Variants in MALRD1 observed in about 807,000 individuals in gnomAD.
MALRD1 encodes MAM and LDL-receptor class A domain-containing protein 1.
A neutral mutation model predicts 242.1 loss-of-function variants in MALRD1; 247 were observed. The observed-to-expected ratio is 1.02, with a 90% CI of 0.92 to 1.13. MALRD1 has a LOEUF of 1.13. Among genes scored for constraint, MALRD1 ranks in the 50% most tolerant of loss-of-function variants. MALRD1 has a pLI of 0.00. For missense variants in MALRD1, 2,989 were observed against 2,533.1 expected (o/e 1.18, Z -3.86); for synonymous variants, 995 against 866.6 (o/e 1.15, Z -2.60).
At chr10:19,167,195 A>C (rs530144223) in intron 13 of MALRD1, among the ~76,000 whole-genome samples, 2 of 151,994 alleles carry the variant, frequency 1.3e-5, no homozygotes, top group Admixed American at 1.3e-4. Flanking sequence ...CCACCTCTAC[A>C]AAAAATACAA....
intron 33 of MALRD1, among the ~76,000 whole-genome samples, chr10:19,577,033 T>C (rs1314095657): frequency 6.7e-6 from 1 of 149,608 alleles, no homozygotes; most frequent in Non-Finnish European, 1.5e-5. Flanking sequence ...GAGAAAAATG[T>C]AAAATAAATT....
intron 28 of MALRD1, among the ~76,000 whole-genome samples, chr10:19,430,695 CTT>C (rs1554769901): frequency 1.3e-5 from 2 of 152,116 alleles, no homozygotes; most frequent in Non-Finnish European, 2.9e-5. Context: ...ATAAAAGACA[CTT>C]AATATTAATT....
chr10:19,547,097 G>A (rs1305349984), intron 32 of MALRD1, among the ~76,000 whole-genome samples: 1 of 151,972 alleles, frequency 6.6e-6, no homozygotes, highest in East Asian at 1.9e-4. Flanking sequence ...TCTAAGTGTC[G>A]GGCTAACTAA....
chr10:19,147,150 A>G (rs933861369), intron 11 of MALRD1, among the ~76,000 whole-genome samples: 1 of 152,174 alleles, frequency 6.6e-6, no homozygotes, highest in South Asian at 2.1e-4. Flanking sequence ...GAGCCACCAC[A>G]CCTGGCAAAC....
chr10:19,450,380 T>C lies in MALRD1; in HGVS notation c.4919T>C (p.Ile1640Thr). 1 of 1,550,188 alleles carries C rather than the reference T, an allele frequency of 6.5e-7. No individual in the cohort carries two copies. The highest frequency in any genetic ancestry group is 8.7e-7 in the Non-Finnish European group (1 of 1,146,930). The change falls in exon 29 of 40, where the codon ATC becomes ACC. Residue 1640 changes from isoleucine to threonine, a missense_variant. Physicochemically the swap from Ile to Thr is moderately conservative, Grantham distance 89. Transcript: ENST00000454679. ...NPGNHWQKADILLGKLRNFEV... is the reference protein window; with the variant it reads ...NPGNHWQKADTLLGKLRNFEV... ...GGTAATCATTGGCAAAAGGCTGACA[T>C]CCTGCTAGGAAAGTTAAGGAATTTT...
chr10:19,275,530 G>A (rs572933118), intron 19 of MALRD1, among the ~76,000 whole-genome samples: 139 of 152,224 alleles, frequency 9.1e-4, no homozygotes, highest in African/African-American at 3.1e-3. Flanking sequence ...TTAGCCTGGC[G>A]TGGTGGCGGG....
chr10:19,642,169 C>T lies in MALRD1; in HGVS notation c.6137+26246C>T, dbSNP rs376349934. 5.3e-5 allele frequency among the ~76,000 whole-genome samples: 8 copies of T among 152,212 alleles called. No individual in the cohort carries two copies. The East Asian group carries it at 1.4e-3, about 26-fold the overall frequency. ...TTTTGCTTGTTAGTTTATGCATCTTCTCATATTGGCTTGAATTGTAGAAAC... is the reference window on the plus strand; with the variant it reads ...TTTTGCTTGTTAGTTTATGCATCTTTTCATATTGGCTTGAATTGTAGAAAC... On this transcript the variant is annotated intron_variant, in intron 36 of 39. Coordinates refer to ENST00000454679, the MANE Select transcript of MALRD1 (RefSeq NM_001142308.3).
At chr10:19,570,957 A>G (rs935388945) in intron 33 of MALRD1, among the ~76,000 whole-genome samples, 1 of 152,102 alleles carries the variant, frequency 6.6e-6, no homozygotes, top group Non-Finnish European at 1.5e-5. Flanking sequence ...AGAACCACAT[A>G]TTTTGGGTTA....
chr10:19,355,867 A>G (rs1844613838), intron 26 of MALRD1, among the ~76,000 whole-genome samples: 1 of 63,698 alleles, frequency 1.6e-5, no homozygotes, highest in African/African-American at 6.1e-5. Context: ...ATTATATATG[A>G]TATATATTAG....
intron 31 of MALRD1, among the ~76,000 whole-genome samples, chr10:19,518,785 A>T (rs764888380): frequency 2.0e-5 from 3 of 152,178 alleles, no homozygotes; most frequent in Non-Finnish European, 4.4e-5. Flanking sequence ...AATAGAACAA[A>T]CTTTGGCTTA....
chr10:19,599,685 T>G (rs1349598065), intron 34 of MALRD1, among the ~76,000 whole-genome samples: 1 of 152,106 alleles, frequency 6.6e-6, no homozygotes, highest in Non-Finnish European at 1.5e-5. Flanking sequence ...ATAGTATGCA[T>G]AGCAAAGCCA....
chr10:19,489,016 C>T (rs1326546628), intron 29 of MALRD1: 6 of 456,002 alleles, frequency 1.3e-5, no homozygotes, highest in African/African-American at 1.0e-4. Context: ...CTCCCACCAT[C>T]CCCCGCCAGG....
intron 38 of MALRD1, among the ~76,000 whole-genome samples, chr10:19,713,463 GT>G (rs1834238225): frequency 6.6e-6 from 1 of 152,200 alleles, no homozygotes; most frequent in African/African-American, 2.4e-5. Context: ...CCCATGGGAA[GT>G]TAATCTTCAA....
At chr10:19,489,531 G>A in intron 29 of MALRD1, 1 of 575,446 alleles carries the variant, frequency 1.7e-6, no homozygotes, top group African/African-American at 1.9e-5. Flanking sequence ...TTAAGAAGGA[G>A]GGAATCCCAT....
chr10:19,278,601 C>A (rs532854850), intron 19 of MALRD1, among the ~76,000 whole-genome samples: 1 of 152,180 alleles, frequency 6.6e-6, no homozygotes, highest in Non-Finnish European at 1.5e-5. Flanking sequence ...TGAAAGATGC[C>A]ATTCTTGCTT....
At chr10:19,147,308 G>T (rs1833757640) in intron 11 of MALRD1, among the ~76,000 whole-genome samples, 1 of 152,166 alleles carries the variant, frequency 6.6e-6, no homozygotes, top group African/African-American at 2.4e-5. Flanking sequence ...TGGAAATTGG[G>T]GTTGGTGGTA....
At chr10:19,295,456 G>A (rs1207902130) in intron 21 of MALRD1, among the ~76,000 whole-genome samples, 1 of 109,754 alleles carries the variant, frequency 9.1e-6, no homozygotes, top group East Asian at 2.4e-4. Flanking sequence ...GCCCAAGTAT[G>A]TTTTGGGTGT....
intron 23 of MALRD1, among the ~76,000 whole-genome samples, chr10:19,329,105 AAAG>A (rs1843254178): frequency 6.6e-6 from 1 of 152,230 alleles, no homozygotes; most frequent in African/African-American, 2.4e-5. Context: ...TGAGATTAAA[AAAG>A]AGTATACCCC....
At chr10:19,575,575 T>C (rs181992176) in intron 33 of MALRD1, among the ~76,000 whole-genome samples, 3 of 152,194 alleles carry the variant, frequency 2.0e-5, no homozygotes, top group African/African-American at 7.2e-5. Flanking sequence ...ATTTTTTTCA[T>C]AATAAGGATA....
Sources: gnomAD v4.1 joint callset for allele counts (sites outside exome capture counted in the v4.1 genomes callset) on GRCh38, gnomAD v4.1.1 for gene constraint, MANE v1.5 for transcripts, NCBI Gene and HGNC (gene_info 2026-07-23, HGNC 2026-07-21) for gene names.